RRP12: variants seen among roughly 807,000 people sequenced by gnomAD.
RRP12 encodes the protein RRP12-like protein.
RRP12 carries 78 observed loss-of-function variants against 157.3 expected under a neutral mutation model. The ratio of observed to expected loss-of-function variants is 0.50; its 90% CI spans 0.41 to 0.60. The LOEUF (loss-of-function observed/expected upper bound fraction) is 0.60, where lower values mean the gene tolerates loss of function less well. Ranked by LOEUF, RRP12 falls within the 20% of genes least tolerant of loss-of-function variation. The pLI, the probability that RRP12 is intolerant of heterozygous loss-of-function variation, is 0.00. For missense variants in RRP12, 1,521 were observed against 1,679.9 expected (o/e 0.91, Z 1.65); for synonymous variants, 726 against 670.9 (o/e 1.08, Z -1.27).
At chr10:97,376,914 G>A (rs1410413711) in intron 15 of RRP12, among the ~76,000 whole-genome samples, 2 of 145,376 alleles carry the variant, frequency 1.4e-5, no homozygotes, top group African/African-American at 5.1e-5. Flanking sequence ...GAGTCTCGCT[G>A]TGTTGCCCAG....
At chr10:97,393,150 T>C (rs1423727967) in intron 4 of RRP12, 1 of 374,864 alleles carries the variant, frequency 2.7e-6, no homozygotes, top group Non-Finnish European at 5.3e-6. Flanking sequence ...GCTGGGATTA[T>C]AGGTGTGAAC....
intron 2 of RRP12, among the ~76,000 whole-genome samples, chr10:97,397,957 T>C (rs1332941570): frequency 2.2e-5 from 3 of 138,544 alleles, no homozygotes; most frequent in Non-Finnish European, 4.6e-5. Flanking sequence ...CACATTTTGG[T>C]AAACCTAAAT....
chr10:97,397,965 A>C (rs1335214903), intron 2 of RRP12, among the ~76,000 whole-genome samples: 1 of 143,992 alleles, frequency 6.9e-6, no homozygotes, highest in African/African-American at 2.6e-5. Context: ...GGTAAACCTA[A>C]ATAACAAAAT....
rs921382915 is a variant in RRP12 at position 97,387,085 on chromosome 10, C to T, written c.1018-1092G>A. 3.3e-5 allele frequency among the ~76,000 whole-genome samples: 5 copies of T among 152,146 alleles called. No homozygotes were observed. The South Asian group carries it at 8.3e-4, about 25-fold the overall frequency. On this transcript the variant is annotated intron_variant, in intron 8 of 33. Coordinates refer to ENST00000370992, the MANE Select transcript of RRP12 (RefSeq NM_015179.4). ...CCATGGACATAAAAATCTACCAATG[C>T]TCAAGTCTCTATATTAAATGGTGTA...
chr10:97,383,761 G>T (rs1844534154), intron 10 of RRP12, among the ~76,000 whole-genome samples: 1 of 152,216 alleles, frequency 6.6e-6, no homozygotes, highest in East Asian at 1.9e-4. Context: ...AGGCGAGAGT[G>T]GAGTGGAGCC....
rs1166658687 is a variant in RRP12 at position 97,396,219 on chromosome 10, A to C, written c.452T>G (p.Leu151Arg). ...KETETEYFAA[L>R]MTTMEAVESP... is the part of the protein sequence containing the mutation. Reference sequence around the variant, plus strand: ...CACCCTCCAGTGGCACCCACTCACCAGAGCAGCGAAGTACTCAGTCTCCGT... The same window carrying C: ...CACCCTCCAGTGGCACCCACTCACCCGAGCAGCGAAGTACTCAGTCTCCGT... Residue 151 changes from leucine to arginine, a missense_variant and splice_region_variant, in exon 3 of 34, where the codon CTG becomes CGG. Coordinates refer to ENST00000370992, the MANE Select transcript of RRP12 (RefSeq NM_015179.4). 1 of 1,610,448 alleles carries C rather than the reference A, an allele frequency of 6.2e-7. No individual in the cohort carries two copies. Among genetic ancestry groups the C allele is most frequent in the East Asian group, 2.2e-5 (1 of 44,850 alleles).
rs566201639 is a variant in RRP12, at chr10:97,386,558, T to C, written c.1018-565A>G. On this transcript the variant is annotated intron_variant, in intron 8 of 33. Transcript: ENST00000370992. ...AGGATACCCAGAAAGTTATTTGCAC[T>C]GTCTACCTTAGGAAACAGGATTTGG... Among the ~76,000 whole-genome samples, 4 of 152,344 alleles carry C rather than the reference T, an allele frequency of 2.6e-5. No homozygotes were observed. The East Asian group carries it at 7.7e-4, about 29-fold the overall frequency.
intron 31 of RRP12, among the ~76,000 whole-genome samples, chr10:97,359,960 G>C (rs1216484720): frequency 6.6e-6 from 1 of 152,260 alleles, no homozygotes; most frequent in Non-Finnish European, 1.5e-5. Flanking sequence ...TGGACCTCCA[G>C]ATGCAAAGCA....
chr10:97,366,098 T>C lies in RRP12; in HGVS notation c.3517+10A>G, dbSNP rs1421850975. On this transcript the variant is annotated intron_variant, in intron 29 of 33. Coordinates refer to ENST00000370992, the MANE Select transcript of RRP12 (RefSeq NM_015179.4). ...CACGGTGAATGAATGGACAAGCGCG[T>C]TGGGCCCACCTTTGGCACCTTCCTC... The C allele has an allele frequency of 6.2e-7, 1 of 1,601,572 alleles. No homozygotes were observed. Among genetic ancestry groups the C allele is most frequent in the East Asian group, 2.2e-5 (1 of 44,868 alleles).
Sources: gnomAD v4.1 joint callset for allele counts (sites outside exome capture counted in the v4.1 genomes callset) on GRCh38, gnomAD v4.1.1 for gene constraint, MANE v1.5 for transcripts, NCBI Gene and HGNC (gene_info 2026-07-23, HGNC 2026-07-21) for gene names.